Variants in GOLT1B observed in about 807,000 individuals in gnomAD.
GOLT1B encodes golgi transport 1B.
Under a neutral mutation model 15.4 loss-of-function variants are expected in GOLT1B, and 3 were observed. That is an observed-to-expected ratio of 0.19 (90% CI 0.09 to 0.50). The LOEUF (loss-of-function observed/expected upper bound fraction) is 0.50. GOLT1B is among the 20% of genes least tolerant of loss of function. The pLI, the probability that GOLT1B is intolerant of heterozygous loss-of-function variation, is 0.97. For synonymous variants in GOLT1B, 65 were observed against 56.2 expected, an observed-to-expected ratio of 1.16 and a Z score of -0.70; for missense variants, 145 against 160.4, an observed-to-expected ratio of 0.90 and a Z score of 0.52.
chr12:21,503,863 T>A (rs1312753587), intron 1 of GOLT1B, among the ~76,000 whole-genome samples: 1 of 16,242 alleles, frequency 6.2e-5, no homozygotes, highest in Non-Finnish European at 1.3e-4. Context: ...TCTAGGACTT[T>A]CCTCACCGCC....
In GOLT1B at chr12:21,509,126, C is replaced by T. The variant is rs555329345; in HGVS notation, c.296+565C>T. On this transcript the variant is annotated intron_variant, in intron 3 of 4. Coordinates refer to ENST00000229314, the MANE Select transcript of GOLT1B (RefSeq NM_016072.5). ...ATATGAAAATACCTTTGGCCAGGTG[C>T]GGTGGCTCACACCTGTAATCCCAGC... Among the ~76,000 whole-genome samples, 15 of 151,994 alleles carry T rather than the reference C, an allele frequency of 9.9e-5. No individual in the cohort carries two copies. In the South Asian group the frequency reaches 1.5e-3, roughly 15 times the overall value.
At chr12:21,513,546 C>T (rs965587582) in intron 4 of GOLT1B, among the ~76,000 whole-genome samples, 3 of 152,004 alleles carry the variant, frequency 2.0e-5, no homozygotes, top group African/African-American at 4.8e-5. Flanking sequence ...CTCTTGGGCT[C>T]AAGCAATGCC....
intron 3 of GOLT1B, among the ~76,000 whole-genome samples, chr12:21,510,784 C>A (rs920494459): frequency 6.6e-6 from 1 of 152,178 alleles, no homozygotes; most frequent in African/African-American, 2.4e-5. Flanking sequence ...ATTCTGCTTT[C>A]TGTTTAATTC....
intron 4 of GOLT1B, among the ~76,000 whole-genome samples, chr12:21,513,768 C>G (rs547576212): frequency 5.3e-5 from 8 of 152,198 alleles, no homozygotes; most frequent in African/African-American, 1.9e-4. Context: ...CACACTATAG[C>G]CTGGGCAATA....
intron 4 of GOLT1B, chr12:21,515,292 G>A: frequency 7.9e-7 from 1 of 1,268,562 alleles, no homozygotes; most frequent in African/African-American, 1.5e-5. Flanking sequence ...TATCTTATTG[G>A]GTTCATTAAT....
intron 3 of GOLT1B, 40 bp downstream of exon 3, chr12:21,508,601 CAGAT>C (rs1473341833): frequency 1.0e-6 from 1 of 973,024 alleles, no homozygotes; most frequent in African/African-American, 1.7e-5. Flanking sequence ...ATCAGTGTGT[CAGAT>C]AGTTAGTACA....
chr12:21,516,078 A>G lies in GOLT1B; in HGVS notation c.*371A>G. The G allele has an allele frequency of 5.9e-6, 1 of 169,790 alleles. No individual in the cohort carries two copies. The highest frequency in any genetic ancestry group is 1.6e-4 in the East Asian group (1 of 6,096). 10.5% of individuals were successfully genotyped at this position (169,790 alleles called of 1,614,324 possible). ...TGAAGGCTCAGGAGCATCCATAGGC[A>G]TTTGCTTTTTAGAAATGTCCACTGC... On this transcript the variant is annotated 3_prime_UTR_variant, in exon 5 of 5. Coordinates refer to ENST00000229314, the MANE Select transcript of GOLT1B (RefSeq NM_016072.5).
In GOLT1B at chr12:21,515,718, A is replaced by AT. The variant is rs1565583580; in HGVS notation, c.*14dup. Reference sequence around the variant, plus strand: ...AACAATATGGTATAACAACAAGTGAATTTGAAGACTCATTTAAAATATTGT... The same window carrying AT: ...AACAATATGGTATAACAACAAGTGAATTTTGAAGACTCATTTAAAATATTGT... On this transcript the variant is annotated 3_prime_UTR_variant, in exon 5 of 5. Transcript: ENST00000229314. The AT allele has an allele frequency of 8.7e-7, 1 of 1,148,602 alleles. No individual in the cohort carries two copies. The highest frequency in any genetic ancestry group is 2.4e-5 in the East Asian group (1 of 42,014). The allele number at this position is 1,148,602 out of a possible 1,614,324, so 71.2% of individuals were successfully genotyped here.
intron 1 of GOLT1B, among the ~76,000 whole-genome samples, chr12:21,505,340 A>G (rs186797827): frequency 3.3e-5 from 5 of 152,322 alleles, no homozygotes; most frequent in Non-Finnish European, 7.4e-5. Flanking sequence ...ACTACTAAAT[A>G]GTTATTTAAT....
chr12:21,513,826 A>C (rs1334012402), intron 4 of GOLT1B, among the ~76,000 whole-genome samples: 1 of 152,206 alleles, frequency 6.6e-6, no homozygotes, highest in Admixed American at 6.5e-5. Context: ...AAAGGAAAGG[A>C]GAAAGGGAGG....
At chr12:21,503,635 CAT>C (rs1943657562) in intron 1 of GOLT1B, among the ~76,000 whole-genome samples, 1 of 152,190 alleles carries the variant, frequency 6.6e-6, no homozygotes, top group Non-Finnish European at 1.5e-5. Flanking sequence ...TCACTTGTCA[CAT>C]GTTTTAGGTG....
chr12:21,506,342 G>A (rs1006281835), intron 1 of GOLT1B, among the ~76,000 whole-genome samples: 5 of 151,910 alleles, frequency 3.3e-5, no homozygotes, highest in Admixed American at 6.6e-5. Context: ...CATGATTTTC[G>A]AAATATTTCT....
rs755491702 is a variant in GOLT1B at position 21,515,842 on chromosome 12, A to C, written c.*135A>C. On this transcript the variant is annotated 3_prime_UTR_variant, in exon 5 of 5. Transcript: ENST00000229314. ...CAGGAGTTTAAAACGTATAGCCTAC[A>C]AAGTACCAGCAGCAAATTAGCAAAG... The C allele has an allele frequency of 7.6e-6, 4 of 527,926 alleles. No homozygotes were observed. The highest frequency in any genetic ancestry group is 1.3e-5 in the Non-Finnish European group (4 of 303,274). 32.7% of individuals were successfully genotyped at this position (527,926 alleles called of 1,614,324 possible).
At chr12:21,515,026 T>A (rs541007056) in intron 4 of GOLT1B, among the ~76,000 whole-genome samples, 4 of 151,804 alleles carry the variant, frequency 2.6e-5, no homozygotes, top group African/African-American at 9.6e-5. Flanking sequence ...GCTTTATGTT[T>A]GGGGTGGAGT....
chr12:21,510,710 T>G (rs907547014), intron 3 of GOLT1B, among the ~76,000 whole-genome samples: 3 of 152,180 alleles, frequency 2.0e-5, no homozygotes, highest in Admixed American at 6.5e-5. Flanking sequence ...TACTAGAAAA[T>G]GATTGTGATT....
In GOLT1B at chr12:21,508,893, A is replaced by G. The variant is rs79645135; in HGVS notation, c.296+332A>G. ...GATCAATCGGTAGGTAGGTAGGTAG[A>G]TAGATAGATAGATAGATAGATAGAT... On this transcript the variant is annotated intron_variant, in intron 3 of 4. Transcript: ENST00000229314. Among the ~76,000 whole-genome samples, 12 of 72,574 alleles carry G rather than the reference A, an allele frequency of 1.7e-4. No homozygotes were observed. In the South Asian group the frequency reaches 2.7e-3, roughly 16 times the overall value. The allele number at this position is 72,574 out of a possible 152,430, so 47.6% of individuals were successfully genotyped here. A position where few individuals can be genotyped will look rare whatever the true frequency, so the allele number is the denominator to read the frequency against.
chr12:21,510,751 A>G (rs964898903), intron 3 of GOLT1B, among the ~76,000 whole-genome samples: 15 of 152,242 alleles, frequency 9.9e-5, no homozygotes, highest in East Asian at 7.7e-4. Flanking sequence ...CACCATCAAC[A>G]TAAATACTTG....
rs1943770014 is a variant in GOLT1B, at chr12:21,518,244, T to G, written c.*2537T>G. 1 of 152,142 alleles carries G rather than the reference T, an allele frequency of 6.6e-6. No homozygotes were observed. The highest frequency in any genetic ancestry group is 2.1e-4 in the South Asian group (1 of 4,830). The allele number at this position is 152,142 out of a possible 1,614,324, so 9.4% of individuals were successfully genotyped here. A position where few individuals can be genotyped will look rare whatever the true frequency, so the allele number is the denominator to read the frequency against. Reference sequence around the variant, plus strand: ...AACCTCATTTTTAAAAAATTAGCCTTATATGCAGTGTTCTATTTATCAAAT... The same window carrying G: ...AACCTCATTTTTAAAAAATTAGCCTGATATGCAGTGTTCTATTTATCAAAT... On this transcript the variant is annotated 3_prime_UTR_variant, in exon 5 of 5. Coordinates refer to ENST00000229314, the MANE Select transcript of GOLT1B (RefSeq NM_016072.5).
At chr12:21,508,263 G>C (rs967911171) in intron 2 of GOLT1B, 120 bp from the exon 3 acceptor site, 1 of 635,364 alleles carries the variant, frequency 1.6e-6, no homozygotes, top group African/African-American at 1.9e-5. Context: ...CTGGCCAGTT[G>C]CCCACATTAA....
Sources: gnomAD v4.1 joint callset for allele counts (sites outside exome capture counted in the v4.1 genomes callset) on GRCh38, gnomAD v4.1.1 for gene constraint, MANE v1.5 for transcripts, NCBI Gene and HGNC (gene_info 2026-07-23, HGNC 2026-07-21) for gene names.